Variants in ROBO1 observed in about 807,000 individuals in gnomAD.
The protein encoded by ROBO1 is roundabout guidance receptor 1, also known as roundabout homolog 1.
A neutral mutation model predicts 195.9 loss-of-function variants in ROBO1; 149 were observed. That is an observed-to-expected ratio of 0.76 (90% CI 0.67 to 0.87). The LOEUF is 0.87. Among genes scored for constraint, ROBO1 ranks in the 40% least tolerant of loss-of-function variants. The probability of loss-of-function intolerance (pLI) is 0.00; values close to 1 mark genes in which losing one functional copy is unlikely to be tolerated. For synonymous variants in ROBO1, 816 were observed against 733.2 expected (o/e 1.11, Z -1.82); for missense variants, 1,933 against 2,068.3 (o/e 0.93, Z 1.27).
intron 2 of ROBO1, among the ~76,000 whole-genome samples, chr3:79,194,070 A>G (rs1157028913): frequency 6.6e-6 from 1 of 151,696 alleles, no homozygotes; most frequent in Non-Finnish European, 1.5e-5. Flanking sequence ...CATTTCCTAA[A>G]TAAATACGTA....
chr3:79,249,271 A>G (rs2082677889), intron 2 of ROBO1, among the ~76,000 whole-genome samples: 1 of 152,160 alleles, frequency 6.6e-6, no homozygotes, highest in African/African-American at 2.4e-5. Flanking sequence ...GGGCACGTGA[A>G]CTGTTCACCA....
chr3:79,300,945 T>TCAGC (rs1370471042), intron 2 of ROBO1, among the ~76,000 whole-genome samples: 1 of 152,012 alleles, frequency 6.6e-6, no homozygotes, highest in African/African-American at 2.4e-5. Context: ...AACGCACCAA[T>TCAGC]CAGCGCCCTG....
chr3:78,942,493 T>C (rs1411390645), intron 3 of ROBO1, among the ~76,000 whole-genome samples: 1 of 152,050 alleles, frequency 6.6e-6, no homozygotes, highest in Non-Finnish European at 1.5e-5. Flanking sequence ...ATGTTTCTTG[T>C]CTCTGTAATG....
At chr3:79,255,295 A>G (rs2082810129) in intron 2 of ROBO1, among the ~76,000 whole-genome samples, 1 of 152,150 alleles carries the variant, frequency 6.6e-6, no homozygotes, top group Non-Finnish European at 1.5e-5. Flanking sequence ...GTTTGAACTG[A>G]AATGAGCTCT....
At chr3:79,346,911 A>G (rs148689092) in intron 2 of ROBO1, among the ~76,000 whole-genome samples, 4,052 of 152,042 alleles carry the variant, frequency 0.027, 85 homozygotes, top group Non-Finnish European at 0.042. Flanking sequence ...TCAAATCAAT[A>G]CTTTATTTCT....
At chr3:79,124,071 G>T (rs1351905773) in intron 3 of ROBO1, among the ~76,000 whole-genome samples, 1 of 152,062 alleles carries the variant, frequency 6.6e-6, no homozygotes, top group Non-Finnish European at 1.5e-5. Flanking sequence ...GGATACCCCT[G>T]AGAAAGAATA....
chr3:79,544,897 A>T (rs1942206405), intron 2 of ROBO1, among the ~76,000 whole-genome samples: 1 of 152,110 alleles, frequency 6.6e-6, no homozygotes, highest in Non-Finnish European at 1.5e-5. Context: ...TTCTCTAAAA[A>T]TGATAAAATA....
At chr3:79,565,203 T>C (rs1426940273) in intron 2 of ROBO1, among the ~76,000 whole-genome samples, 1 of 152,032 alleles carries the variant, frequency 6.6e-6, no homozygotes, top group African/African-American at 2.4e-5. Context: ...CCAACAACAA[T>C]AGCAAGCTGT....
At chr3:79,552,988 G>A (rs1015933588) in intron 2 of ROBO1, among the ~76,000 whole-genome samples, 2 of 151,974 alleles carry the variant, frequency 1.3e-5, no homozygotes, top group Admixed American at 1.3e-4. Flanking sequence ...ATATAATCTT[G>A]TGCATTATTT....
intron 2 of ROBO1, among the ~76,000 whole-genome samples, chr3:79,159,816 C>T (rs1308249682): frequency 6.6e-6 from 1 of 152,002 alleles, no homozygotes; most frequent in African/African-American, 2.4e-5. Flanking sequence ...TTTGCATTCC[C>T]TGGCCACAGT....
Position 79,434,766 on chromosome 3 carries a change from A to G in ROBO1, c.88+155058T>C, listed in dbSNP as rs562950605. Among the ~76,000 whole-genome samples the G allele has an allele frequency of 1.2e-3, 182 of 152,294 alleles. 1 individual carries two copies. The highest frequency in any genetic ancestry group is 2.2e-3 in the Non-Finnish European group (150 of 68,034). On this transcript the variant is annotated intron_variant, in intron 2 of 30. Transcript: ENST00000464233. ...CTGCTGTAAAGACACATGCACACGT[A>G]TGTTTATTGTGGCACTATTCACAAT...
chr3:79,405,745 T>C (rs1224571755), intron 2 of ROBO1, among the ~76,000 whole-genome samples: 3 of 152,308 alleles, frequency 2.0e-5, no homozygotes, highest in Admixed American at 1.3e-4. Flanking sequence ...TTAGTGGATG[T>C]AATGTTTCTT....
intron 4 of ROBO1, among the ~76,000 whole-genome samples, chr3:78,909,814 A>G (rs924284379): frequency 6.6e-6 from 1 of 151,814 alleles, no homozygotes; most frequent in Non-Finnish European, 1.5e-5. Context: ...TAAAACAGTT[A>G]TTTAATTTTA....
chr3:79,753,680 C>T (rs780671237), intron 1 of ROBO1, among the ~76,000 whole-genome samples: 1 of 152,058 alleles, frequency 6.6e-6, no homozygotes, highest in Non-Finnish European at 1.5e-5. Flanking sequence ...AAGAGAGAAT[C>T]CACCAAATCC....
At chr3:78,887,808 C>G (rs1408942613) in intron 4 of ROBO1, among the ~76,000 whole-genome samples, 6 of 152,098 alleles carry the variant, frequency 3.9e-5, no homozygotes, top group Non-Finnish European at 5.9e-5. Flanking sequence ...TCAAACCTCC[C>G]TTCTAAGTCA....
intron 4 of ROBO1, among the ~76,000 whole-genome samples, chr3:78,778,038 G>T (rs574290411): frequency 6.6e-6 from 1 of 152,264 alleles, no homozygotes; most frequent in Non-Finnish European, 1.5e-5. Context: ...AGAGTTTTTA[G>T]CATGAAGGGT....
chr3:79,688,654 A>G (rs1282939099), intron 1 of ROBO1, among the ~76,000 whole-genome samples: 1 of 152,082 alleles, frequency 6.6e-6, no homozygotes, highest in African/African-American at 2.4e-5. Context: ...ACCAAACAGC[A>G]ACTCTATTTT....
At chr3:79,561,322 G>C (rs909998947) in intron 2 of ROBO1, among the ~76,000 whole-genome samples, 1 of 152,188 alleles carries the variant, frequency 6.6e-6, no homozygotes, top group African/African-American at 2.4e-5. Flanking sequence ...TTAAGATAAC[G>C]CTGGGAGTAA....
intron 19 of ROBO1, among the ~76,000 whole-genome samples, chr3:78,650,251 T>C (rs1706562699): frequency 6.6e-6 from 1 of 152,128 alleles, no homozygotes; most frequent in Non-Finnish European, 1.5e-5. Flanking sequence ...TGAGCACCAG[T>C]TCTCTTTTCA....
Sources: allele counts gnomAD v4.1 joint callset (sites outside exome capture counted in the v4.1 genomes callset), GRCh38; gene constraint gnomAD v4.1.1; transcripts MANE v1.5; gene names NCBI Gene and HGNC (gene_info 2026-07-23, HGNC 2026-07-21).